The following SDK1 variants were observed in gnomAD, a reference collection of about 807,000 sequenced individuals.
The protein encoded by SDK1 is protein sidekick-1.
A neutral mutation model predicts 245.5 loss-of-function variants in SDK1; 157 were observed. The ratio of observed to expected loss-of-function variants is 0.64; its 90% CI spans 0.56 to 0.73. SDK1 has a LOEUF of 0.73. SDK1 is among the 30% of genes least tolerant of loss of function. The probability of loss-of-function intolerance (pLI) is 0.00; values close to 1 mark genes in which losing one functional copy is unlikely to be tolerated. For synonymous variants in SDK1, 1,647 were observed against 1,278.5 expected, an observed-to-expected ratio of 1.29 and a Z score of -6.15; for missense variants, 3,583 against 3,002.3, an observed-to-expected ratio of 1.19 and a Z score of -4.52.
At chr7:3,449,094 T>G (rs569205956) in intron 1 of SDK1, among the ~76,000 whole-genome samples, 10 of 152,224 alleles carry the variant, frequency 6.6e-5, no homozygotes, top group Admixed American at 6.5e-5. Context: ...GCTCTTTGCT[T>G]TTCACATACA....
intron 4 of SDK1, among the ~76,000 whole-genome samples, chr7:3,729,448 A>G (rs1025962061): frequency 6.6e-6 from 1 of 152,228 alleles, no homozygotes; most frequent in Non-Finnish European, 1.5e-5. Context: ...GGTTGTCACA[A>G]CTGGGTGGGG....
chr7:3,781,635 C>T (rs1780741581), intron 4 of SDK1, among the ~76,000 whole-genome samples: 2 of 151,942 alleles, frequency 1.3e-5, no homozygotes. Flanking sequence ...TAAAGAAGTT[C>T]AGTGAACTAC....
At chr7:3,545,771 C>T (rs543301031) in intron 1 of SDK1, among the ~76,000 whole-genome samples, 5 of 152,158 alleles carry the variant, frequency 3.3e-5, no homozygotes, top group East Asian at 1.9e-4. Context: ...GGCCGCTGTT[C>T]TGTTAATTTT....
intron 1 of SDK1, among the ~76,000 whole-genome samples, chr7:3,413,475 A>C (rs541058235): frequency 8.5e-5 from 13 of 152,188 alleles, no homozygotes; most frequent in East Asian, 3.9e-4. Context: ...CAAGTGGATC[A>C]CTTGAGGTCA....
chr7:3,514,545 C>T (rs998592674), intron 1 of SDK1, among the ~76,000 whole-genome samples: 82 of 152,218 alleles, frequency 5.4e-4, no homozygotes, highest in African/African-American at 2.0e-3. Flanking sequence ...AGTCACTGCT[C>T]GCCATTCACC....
rs116277579 is a variant in SDK1, at chr7:3,724,434, T to C, written c.713+82329T>C. ...CAAAACATAAATAAAATAAAATAAA[T>C]AGTTGTTATTCTATTGTACCATCAC... On this transcript the variant is annotated intron_variant, in intron 4 of 44. Coordinates refer to ENST00000404826, the MANE Select transcript of SDK1 (RefSeq NM_152744.4). 1.0e-3 allele frequency among the ~76,000 whole-genome samples: 159 copies of C among 152,146 alleles called. 1 individual carries two copies. The highest frequency in any genetic ancestry group is 3.7e-3 in the African/African-American group (153 of 41,532).
At chr7:3,757,061 G>C (rs1583381239) in intron 4 of SDK1, among the ~76,000 whole-genome samples, 1 of 151,906 alleles carries the variant, frequency 6.6e-6, no homozygotes, top group East Asian at 1.9e-4. Flanking sequence ...CCAACTCTCT[G>C]ACACCAACTG....
intron 4 of SDK1, among the ~76,000 whole-genome samples, chr7:3,723,937 TATATATAGAGAGAGAGAG>T (rs1562397764): frequency 8.4e-5 from 10 of 119,218 alleles, no homozygotes; most frequent in African/African-American, 2.8e-4. Context: ...TATATATATA[TATATATAGAGAGAGAGAG>T]AGAGAGAGAG....
In SDK1 at chr7:3,555,027, C is replaced by G. The variant is rs10236989; in HGVS notation, c.299-64053C>G. On this transcript the variant is annotated intron_variant, in intron 1 of 44. Coordinates refer to ENST00000404826, the MANE Select transcript of SDK1 (RefSeq NM_152744.4). The stretch of plus-strand genomic sequence containing the variant: ...TATTACCCAGGGCAATCTATAGATT[C>G]AATGCAATCCCTATCAAAATACCCA... 1.5e-3 allele frequency among the ~76,000 whole-genome samples: 230 copies of G among 152,048 alleles called. 1 individual carries two copies. The highest frequency in any genetic ancestry group is 5.3e-3 in the African/African-American group (218 of 41,496).
chr7:3,808,850 GA>G (rs376183876), intron 4 of SDK1, among the ~76,000 whole-genome samples: 12 of 151,194 alleles, frequency 7.9e-5, no homozygotes, highest in South Asian at 2.1e-4. Context: ...CGTTCAGAAA[GA>G]AAAAAAAATC....
intron 2 of SDK1, among the ~76,000 whole-genome samples, chr7:3,625,880 A>G (rs1380564321): frequency 1.3e-5 from 2 of 151,582 alleles, no homozygotes; most frequent in East Asian, 3.9e-4. Flanking sequence ...GGAAGTGTTG[A>G]CCACAGCAGC....
At chr7:3,584,148 G>C (rs1780606514) in intron 1 of SDK1, among the ~76,000 whole-genome samples, 1 of 152,180 alleles carries the variant, frequency 6.6e-6, no homozygotes, top group Admixed American at 6.5e-5. Flanking sequence ...AAAAGATTCT[G>C]TGCTTATATG....
chr7:4,139,531 G>C (rs201810578), intron 28 of SDK1, among the ~76,000 whole-genome samples: 5 of 13,202 alleles, frequency 3.8e-4, no homozygotes, highest in African/African-American at 1.3e-3. Flanking sequence ...GTGTATGTGT[G>C]TGTGTATATA....
At chr7:3,304,543 C>T (rs753729106) in intron 1 of SDK1, among the ~76,000 whole-genome samples, 4 of 152,130 alleles carry the variant, frequency 2.6e-5, no homozygotes, top group Non-Finnish European at 2.9e-5. Flanking sequence ...GTCCATGGGG[C>T]TGTTTGTTCA....
At chr7:4,107,234 A>G (rs1782991738) in intron 22 of SDK1, among the ~76,000 whole-genome samples, 3 of 151,440 alleles carry the variant, frequency 2.0e-5, no homozygotes, top group Admixed American at 6.6e-5. Context: ...TCCGCAGTGC[A>G]GCTTGGGGTC....
At chr7:3,870,978 T>C (rs1780941500) in intron 5 of SDK1, among the ~76,000 whole-genome samples, 1 of 152,234 alleles carries the variant, frequency 6.6e-6, no homozygotes, top group Non-Finnish European at 1.5e-5. Context: ...TATTAAACTA[T>C]AGATCAAATT....
At chr7:3,753,803 A>G (rs118161552) in intron 4 of SDK1, among the ~76,000 whole-genome samples, 760 of 152,320 alleles carry the variant, frequency 5.0e-3, no homozygotes, top group Non-Finnish European at 7.7e-3. Context: ...ACATTTTAAA[A>G]GGCATGTTTC....
intron 1 of SDK1, among the ~76,000 whole-genome samples, chr7:3,540,616 C>T (rs1583142870): frequency 6.6e-6 from 1 of 152,136 alleles, no homozygotes; most frequent in South Asian, 2.1e-4. Flanking sequence ...TCAGAGAACA[C>T]AGTGAATTGC....
intron 5 of SDK1, among the ~76,000 whole-genome samples, chr7:3,858,054 G>A (rs1317923749): frequency 1.3e-5 from 2 of 152,138 alleles, no homozygotes; most frequent in African/African-American, 4.8e-5. Context: ...TTGTCAAGAT[G>A]ATTCTGAAGT....
Sources: allele counts gnomAD v4.1 joint callset (sites outside exome capture counted in the v4.1 genomes callset), GRCh38; gene constraint gnomAD v4.1.1; transcripts MANE v1.5; gene names NCBI Gene and HGNC (gene_info 2026-07-23, HGNC 2026-07-21).